The following ASPH variants were observed in gnomAD, a reference collection of about 807,000 sequenced individuals.
ASPH encodes aspartate beta-hydroxylase.
A neutral mutation model predicts 118.4 loss-of-function variants in ASPH; 100 were observed. That is an observed-to-expected ratio of 0.84 (90% CI 0.72 to 1.00). ASPH has a LOEUF of 1.00. Ranked by LOEUF, ASPH falls within the 50% of genes least tolerant of loss-of-function variation. The pLI is 0.00. For missense variants in ASPH, 920 were observed against 919.5 expected, an observed-to-expected ratio of 1.00 and a Z score of -0.01; for synonymous variants, 315 against 325.6, an observed-to-expected ratio of 0.97 and a Z score of 0.35.
At chr8:61,627,034 A>G (rs1489872466) in intron 13 of ASPH, among the ~76,000 whole-genome samples, 4 of 152,162 alleles carry the variant, frequency 2.6e-5, no homozygotes, top group Admixed American at 2.0e-4. Context: ...CTATCTATCT[A>G]TCTACACATG....
intron 9 of ASPH, among the ~76,000 whole-genome samples, 175 bp from the exon 10 acceptor site, chr8:61,643,095 T>C (rs1806054919): frequency 6.6e-6 from 1 of 152,178 alleles, no homozygotes; most frequent in South Asian, 2.1e-4. Context: ...AAAAGGCAGG[T>C]AAATTATTTT....
At chr8:61,620,060 G>A (rs534875020) in intron 13 of ASPH, among the ~76,000 whole-genome samples, 21 of 152,142 alleles carry the variant, frequency 1.4e-4, no homozygotes, top group Non-Finnish European at 2.5e-4. Flanking sequence ...TTTCAATTTG[G>A]GGAGATGAAA....
intron 23 of ASPH, 101 bp from the exon 24 acceptor site, chr8:61,517,762 GC>G: frequency 7.1e-7 from 1 of 1,416,042 alleles, no homozygotes; most frequent in African/African-American, 1.4e-5. Context: ...TTGGATTAGA[GC>G]CTTTGTAAGA....
intron 3 of ASPH, among the ~76,000 whole-genome samples, chr8:61,678,346 C>T (rs1254080824): frequency 3.9e-5 from 6 of 151,940 alleles, no homozygotes; most frequent in Non-Finnish European, 8.8e-5. Flanking sequence ...AGGTAGTTTT[C>T]AATAATCTGA....
At chr8:61,624,544 C>A (rs966647492) in intron 13 of ASPH, 3 of 968,934 alleles carry the variant, frequency 3.1e-6, no homozygotes, top group Non-Finnish European at 3.7e-6. Flanking sequence ...ATAGAGAATT[C>A]TTCTGTATTT....
At chr8:61,650,960 C>A in intron 5 of ASPH, 90 bp downstream of exon 5, 2 of 1,345,584 alleles carry the variant, frequency 1.5e-6, no homozygotes, top group Non-Finnish European at 2.0e-6. Context: ...CCCAATTAAC[C>A]TTTAAATTTT....
intron 3 of ASPH, chr8:61,665,239 G>C: frequency 6.4e-7 from 1 of 1,562,738 alleles, no homozygotes; most frequent in Non-Finnish European, 8.6e-7. Flanking sequence ...CTGGGATGAT[G>C]ATGCCAGAGC....
At chr8:61,596,315 C>T (rs1344134185) in intron 14 of ASPH, among the ~76,000 whole-genome samples, 1 of 152,200 alleles carries the variant, frequency 6.6e-6, no homozygotes, top group Non-Finnish European at 1.5e-5. Flanking sequence ...ACCTAGGTAC[C>T]TGCACATGAC....
intron 24 of ASPH, among the ~76,000 whole-genome samples, chr8:61,509,894 C>G (rs1171006824): frequency 6.6e-6 from 1 of 152,086 alleles, no homozygotes; most frequent in African/African-American, 2.4e-5. Flanking sequence ...CTATCTGTAC[C>G]ATTCCTTCAC....
intron 22 of ASPH, among the ~76,000 whole-genome samples, chr8:61,519,675 T>TGGG (rs1812245400): frequency 1.3e-4 from 1 of 7,928 alleles, no homozygotes. Context: ...TCCTTAAATG[T>TGGG]GGGAGGAGGC....
intron 14 of ASPH, among the ~76,000 whole-genome samples, chr8:61,608,395 T>A (rs1284427646): frequency 6.6e-6 from 1 of 152,146 alleles, no homozygotes; most frequent in Non-Finnish European, 1.5e-5. Flanking sequence ...CAGTATTCTG[T>A]CCACGCCATG....
intron 1 of ASPH, among the ~76,000 whole-genome samples, chr8:61,705,471 G>A (rs1054063518): frequency 1.3e-4 from 20 of 152,158 alleles, no homozygotes; most frequent in African/African-American, 3.9e-4. Flanking sequence ...ACAAGTGACC[G>A]TGTACACAAC....
In ASPH at chr8:61,509,879, C is replaced by T. The variant is rs1430241427; in HGVS notation, c.2127-6370G>A. 5.3e-5 allele frequency among the ~76,000 whole-genome samples: 8 copies of T among 152,222 alleles called. No individual in the cohort carries two copies. In the East Asian group the frequency reaches 1.5e-3, roughly 29 times the overall value. ...TCCCAGCTCCAGGCCTATCAAATCA[C>T]GCCCCTATCTGTACCATTCCTTCAC... On this transcript the variant is annotated intron_variant, in intron 24 of 24. Transcript: ENST00000379454.
intron 18 of ASPH, among the ~76,000 whole-genome samples, chr8:61,562,306 A>G (rs1335800409): frequency 6.7e-6 from 1 of 148,152 alleles, no homozygotes; most frequent in Non-Finnish European, 1.5e-5. Flanking sequence ...TTTATGTCAC[A>G]TGCTTGAAAG....
chr8:61,579,426 A>G (rs3802284), intron 15 of ASPH: 1,392,697 of 1,612,402 alleles, frequency 0.86, 603,700 homozygotes, highest in African/African-American at 0.91. Context: ...GAGCCGGCTG[A>G]AGTCTGGGAT....
At chr8:61,630,555 T>C (rs1855108721) in intron 13 of ASPH, among the ~76,000 whole-genome samples, 1 of 152,164 alleles carries the variant, frequency 6.6e-6, no homozygotes, top group East Asian at 1.9e-4. Context: ...AGATCAAATA[T>C]ATGATGGTGG....
Position 61,507,194 on chromosome 8 carries a change from A to G in ASPH, c.2127-3685T>C, listed in dbSNP as rs572025928. Among the ~76,000 whole-genome samples, 7 of 152,356 alleles carry G rather than the reference A, an allele frequency of 4.6e-5. 1 individual carries two copies. Among genetic ancestry groups the G allele is most frequent in the African/African-American group, 1.7e-4 (7 of 41,582 alleles). On this transcript the variant is annotated intron_variant, in intron 24 of 24. Coordinates refer to ENST00000379454, the MANE Select transcript of ASPH (RefSeq NM_004318.4). ...CCGGAACACGCTGGTCACTCATGGA[A>G]CATCAGTGCATATAAAAGTAGAACT...
rs553508033 is a variant in ASPH, at chr8:61,533,293, A to G, written c.1765-7181T>C. ...CTTATTTCTGCAAATCACACTTTTT[A>G]ATTTCTGAGAGCCCTTTCTGGGTCT... On this transcript the variant is annotated intron_variant, in intron 21 of 24. Transcript: ENST00000379454. Among the ~76,000 whole-genome samples, 8 of 152,114 alleles carry G rather than the reference A, an allele frequency of 5.3e-5. No individual in the cohort carries two copies. The South Asian group carries it at 1.7e-3, about 32-fold the overall frequency.
chr8:61,551,960 T>C lies in ASPH; in HGVS notation c.1626+1071A>G, dbSNP rs561081620. 6.1e-4 allele frequency among the ~76,000 whole-genome samples: 93 copies of C among 152,322 alleles called. 1 individual carries two copies. Among genetic ancestry groups the C allele is most frequent in the Non-Finnish European group, 5.0e-4 (34 of 68,024 alleles). On this transcript the variant is annotated intron_variant, in intron 20 of 24. Transcript: ENST00000379454. ...TAAATAGACATGTATAAATCAAAAA[T>C]TGTCAATTATCTGAACCTCTAGTAC...
Sources: gnomAD v4.1 joint callset for allele counts (sites outside exome capture counted in the v4.1 genomes callset) on GRCh38, gnomAD v4.1.1 for gene constraint, MANE v1.5 for transcripts, NCBI Gene and HGNC (gene_info 2026-07-23, HGNC 2026-07-21) for gene names.